RRM2: variants seen among roughly 807,000 people sequenced by gnomAD.
The protein encoded by RRM2 is ribonucleotide reductase regulatory subunit M2, also known as ribonucleoside-diphosphate reductase subunit M2.
RRM2 carries 6 observed loss-of-function variants against 45.9 expected under a neutral mutation model. That is an observed-to-expected ratio of 0.13 (90% CI 0.07 to 0.26). The LOEUF (loss-of-function observed/expected upper bound fraction) is 0.26. Among genes scored for constraint, RRM2 ranks in the 10% least tolerant of loss-of-function variants. The pLI is 1.00. For synonymous variants in RRM2, 177 were observed against 173.0 expected (o/e 1.02, Z -0.18); for missense variants, 343 against 489.5 (o/e 0.70, Z 2.82).
At chr2:10,180,296 G>T (rs1237291041) in intron 3 of RRM2, among the ~76,000 whole-genome samples, 2 of 152,208 alleles carry the variant, frequency 1.3e-5, no homozygotes, top group East Asian at 3.8e-4. Context: ...AAATAACTTC[G>T]CTGTGAGCCT....
chr2:10,145,031 G>A (rs1663160620), intron 3 of RRM2, among the ~76,000 whole-genome samples: 2 of 152,224 alleles, frequency 1.3e-5, no homozygotes, highest in South Asian at 4.1e-4. Context: ...CCCTTGAAGG[G>A]TAAGGGATCT....
At chr2:10,141,602 A>G in exon 1 of RRM2, 1 of 516,204 alleles carries the variant, frequency 1.9e-6, no homozygotes, top group Non-Finnish European at 3.5e-6. Flanking sequence ...TGGAGTCAAG[A>G]ATGCATGTGC....
At chr2:10,167,270 G>T (rs1414804714) in intron 3 of RRM2, among the ~76,000 whole-genome samples, 1 of 152,196 alleles carries the variant, frequency 6.6e-6, no homozygotes, top group African/African-American at 2.4e-5. Flanking sequence ...ATCAAGGAAT[G>T]ATGAGCCAGT....
rs1662811588 is a variant in RRM2 at position 10,127,664 on chromosome 2, G to T, written c.798+444G>T. Among the ~76,000 whole-genome samples the T allele has an allele frequency of 6.6e-6, 1 of 151,492 alleles. No individual in the cohort carries two copies. Among genetic ancestry groups the T allele is most frequent in the South Asian group, 2.1e-4 (1 of 4,780 alleles). ...TAATTTTCGTCTTTTTATACAGACG[G>T]GGTTTCACCATGTTTGCCAGACTGG... On this transcript the variant is annotated intron_variant, in intron 7 of 9. Transcript: ENST00000304567. This position sits in a 1 kb window ranked among gnomAD's most constrained non-coding sequence, Gnocchi z 4.1.
chr2:10,137,092 C>T (rs558499933), upstream of RRM2, among the ~76,000 whole-genome samples: 101 of 152,352 alleles, frequency 6.6e-4, 1 homozygote, highest in African/African-American at 2.3e-3. Context: ...TTTCCTGCCA[C>T]GTGCAGTCAG....
At chr2:10,194,131 A>G (rs1664365068) in intron 3 of RRM2, among the ~76,000 whole-genome samples, 1 of 152,250 alleles carries the variant, frequency 6.6e-6, no homozygotes, top group African/African-American at 2.4e-5. Context: ...CATCGTTGAA[A>G]GGAAAAGAAG....
At chr2:10,124,108 C>CTTTTTT in intron 4 of RRM2, 1 of 251,742 alleles carries the variant, frequency 4.0e-6, no homozygotes. Flanking sequence ...TCTGCCCCCT[C>CTTTTTT]TTTTTTTTTT....
At chr2:10,142,191 G>C (rs2125312125) in intron 2 of RRM2, 2 of 1,567,228 alleles carry the variant, frequency 1.3e-6, no homozygotes, top group East Asian at 4.8e-5. Flanking sequence ...GGCTGGGTCA[G>C]TGGAGTGGGT....
rs1386646379 is a variant in RRM2 at position 10,123,816 on chromosome 2, C to T, written c.399C>T (p.Phe133=). 3 of 1,610,202 alleles carry T rather than the reference C, an allele frequency of 1.9e-6. No individual in the cohort carries two copies. Among genetic ancestry groups the T allele is most frequent in the Non-Finnish European group, 2.6e-6 (3 of 1,176,402 alleles). ...ATTTTATATCCCATGTTCTGGCTTT[C>T]TTTGCAGCAAGCGATGGCATAGTAA... ...ERYFISHVLA[F]FAASDGIVNE... Residue 133 remains phenylalanine (F), a synonymous_variant, in exon 4 of 10, where the codon TTC becomes TTT. Transcript: ENST00000304567.
intron 3 of RRM2, among the ~76,000 whole-genome samples, chr2:10,209,436 C>G (rs1020457859): frequency 6.6e-6 from 1 of 152,182 alleles, no homozygotes; most frequent in Non-Finnish European, 1.5e-5. Context: ...ATGTTGCTTC[C>G]TGTGGAGTAG....
intron 3 of RRM2, among the ~76,000 whole-genome samples, chr2:10,178,802 T>A (rs1663986050): frequency 6.6e-6 from 1 of 152,126 alleles, no homozygotes; most frequent in African/African-American, 2.4e-5. Context: ...CTTTGGGAAG[T>A]GATTAAGTCA....
In RRM2 at chr2:10,129,426, T is replaced by C; in HGVS notation, c.*40T>C. On this transcript the variant is annotated 3_prime_UTR_variant, in exon 10 of 10. Transcript: ENST00000304567. The surrounding 1 kb of genome is among the most constrained non-coding windows in gnomAD (Gnocchi z 4.8). ...TGCCCTTACTTGGCTGATTTTTTTT[T>C]TCCATCTCATAAGAAAAATCAGCTG... The C allele has an allele frequency of 6.4e-7, 1 of 1,571,406 alleles. No homozygotes were observed. The highest frequency in any genetic ancestry group is 8.6e-7 in the Non-Finnish European group (1 of 1,162,916).
chr2:10,181,898 G>A (rs1000614032), intron 3 of RRM2, among the ~76,000 whole-genome samples: 1 of 150,418 alleles, frequency 6.6e-6, no homozygotes, highest in African/African-American at 2.5e-5. Context: ...CCGAGTAGCT[G>A]GGACTACAGG....
chr2:10,178,918 A>G (rs1030306168), intron 3 of RRM2, among the ~76,000 whole-genome samples: 2 of 152,198 alleles, frequency 1.3e-5, no homozygotes, highest in Admixed American at 6.5e-5. Flanking sequence ...ACTGCCGTCT[A>G]TGAATCAGAG....
At chr2:10,192,317 C>T (rs770022238) in intron 3 of RRM2, among the ~76,000 whole-genome samples, 15 of 152,224 alleles carry the variant, frequency 9.9e-5, no homozygotes, top group Non-Finnish European at 1.9e-4. Context: ...AAGGACTTCT[C>T]AGAGCCTTTA....
At chr2:10,189,095 G>A (rs767733846) in intron 3 of RRM2, among the ~76,000 whole-genome samples, 18 of 152,090 alleles carry the variant, frequency 1.2e-4, no homozygotes, top group Non-Finnish European at 2.5e-4. Context: ...GGAGGCACAG[G>A]AGGGCTAAGC....
intron 3 of RRM2, among the ~76,000 whole-genome samples, chr2:10,157,961 C>A (rs1176279557): frequency 1.3e-5 from 2 of 151,990 alleles, no homozygotes; most frequent in African/African-American, 2.4e-5. Context: ...TAAATGAGTT[C>A]ATGAATAAAT....
chr2:10,134,637 GAA>G (rs1662961586), downstream of RRM2, among the ~76,000 whole-genome samples: 1 of 152,112 alleles, frequency 6.6e-6, no homozygotes, highest in Non-Finnish European at 1.5e-5. Flanking sequence ...CAGATAAAAG[GAA>G]AAAACACGGT....
Position 10,205,735 on chromosome 2 carries a change from A to C in RRM2, n.483-4576A>C, listed in dbSNP as rs1408543072. On this transcript the variant is annotated intron_variant and non_coding_transcript_variant, in intron 3 of 3. Transcript: ENST00000381786. This position sits in a 1 kb window ranked among gnomAD's most constrained non-coding sequence, Gnocchi z 4.8. ...GAGATGGAGTCTTGCTGTGTCACCC[A>C]GGCTGGAGTGCAATGGTGCAATCTC... is the stretch of plus-strand genomic sequence containing the variant. Among the ~76,000 whole-genome samples, 1 of 152,002 alleles carries C rather than the reference A, an allele frequency of 6.6e-6. No individual in the cohort carries two copies. The highest frequency in any genetic ancestry group is 1.9e-4 in the East Asian group (1 of 5,146).
Sources: gnomAD v4.1 joint callset for allele counts (sites outside exome capture counted in the v4.1 genomes callset) on GRCh38, gnomAD v4.1.1 for gene constraint, Gnocchi (gnomAD v3.1) non-coding constraint, MANE v1.5 for transcripts, NCBI Gene and HGNC (gene_info 2026-07-23, HGNC 2026-07-21) for gene names.